N4BP2: variants seen among roughly 807,000 people sequenced by gnomAD.
N4BP2 encodes the protein NEDD4-binding protein 2.
N4BP2 carries 91 observed loss-of-function variants against 152.8 expected under a neutral mutation model. The ratio of observed to expected loss-of-function variants is 0.60; its 90% confidence interval spans 0.50 to 0.71. The LOEUF is 0.71. N4BP2 is among the 30% of genes least tolerant of loss of function. The probability of loss-of-function intolerance (pLI) is 0.00; values close to 1 mark genes in which losing one functional copy is unlikely to be tolerated. For missense variants in N4BP2, 1,923 were observed against 2,059.1 expected (o/e 0.93, Z 1.28); for synonymous variants, 646 against 705.3 (o/e 0.92, Z 1.33).
chr4:40,151,661 G>A (rs976342556), intron 16 of N4BP2, among the ~76,000 whole-genome samples: 6 of 152,240 alleles, frequency 3.9e-5, no homozygotes, highest in East Asian at 1.9e-4. Context: ...TAAAAAGTTC[G>A]TAAAAAGGTT....
chr4:40,184,419 A>G, the N4BP2 span, among the ~76,000 whole-genome samples: 3 of 152,226 alleles, frequency 2.0e-5, no homozygotes, highest in African/African-American at 7.2e-5. Flanking sequence ...AACCAAATAC[A>G]TTAGAGAATC....
Position 40,097,220 on chromosome 4 carries a change from A to G in N4BP2, c.-114-7A>G. ...GTCTGAGTGTTTTTAATTGCTTTCT[A>G]TTTTAGGTCTTTTTACTGCTGGATT... On this transcript the variant is annotated splice_region_variant and splice_polypyrimidine_tract_variant and intron_variant, in intron 2 of 17. Transcript: ENST00000261435. 2 of 743,628 alleles carry G rather than the reference A, an allele frequency of 2.7e-6. No homozygotes were observed. The highest frequency in any genetic ancestry group is 4.5e-6 in the Non-Finnish European group (2 of 440,688). 46.1% of individuals were successfully genotyped at this position (743,628 alleles called of 1,614,324 possible). A position where few individuals can be genotyped will look rare whatever the true frequency, so the allele number is the denominator to read the frequency against.
At chr4:40,175,872 C>T in the N4BP2 span, among the ~76,000 whole-genome samples, 3 of 149,234 alleles carry the variant, frequency 2.0e-5, no homozygotes, top group East Asian at 2.0e-4. Flanking sequence ...GGGTGGATCA[C>T]GAGGTCAGGA....
chr4:40,078,250 G>A (rs570604611), intron 2 of N4BP2, among the ~76,000 whole-genome samples: 1 of 151,870 alleles, frequency 6.6e-6, no homozygotes, highest in African/African-American at 2.4e-5. Flanking sequence ...AGATTCTCAT[G>A]CTTCAGTGTC....
At chr4:40,151,915 A>G (rs1205102025) in intron 16 of N4BP2, among the ~76,000 whole-genome samples, 1 of 152,162 alleles carries the variant, frequency 6.6e-6, no homozygotes, top group Non-Finnish European at 1.5e-5. Flanking sequence ...GGACAATTTA[A>G]TAAGCAGACC....
In N4BP2 at chr4:40,121,542, C is replaced by T. The variant is rs113582483; in HGVS notation, c.3431C>T (p.Ser1144Leu). The T allele has an allele frequency of 5.6e-5, 91 of 1,613,904 alleles. No individual in the cohort carries two copies. In the East Asian group the frequency reaches 5.8e-4, roughly 10 times the overall value. The stretch of plus-strand genomic sequence containing the variant: ...ACAGAGTTTGAGAATTTCCAAAAAT[C>T]GTGTGATGGATCACAAATTGGGCCT... The part of the protein sequence containing the change: ...EDTEFENFQK[S>L]CDGSQIGPFS... Residue 1144 changes from serine (S) to leucine (L), a missense_variant, in exon 9 of 18, where the codon TCG becomes TTG. Ser to Leu is a moderately radical substitution (Grantham distance 145). Transcript: ENST00000261435.
intron 14 of N4BP2, among the ~76,000 whole-genome samples, chr4:40,141,707 T>C (rs1371334562): frequency 6.6e-6 from 1 of 152,166 alleles, no homozygotes; most frequent in Non-Finnish European, 1.5e-5. Flanking sequence ...GAGGCTGCAA[T>C]CTCCGGCACT....
intron 1 of N4BP2, among the ~76,000 whole-genome samples, chr4:40,063,940 G>A (rs918235018): frequency 2.0e-5 from 3 of 151,572 alleles, no homozygotes. Context: ...CCACCGTGCT[G>A]GCCAATTTTA....
At chr4:40,083,093 T>G (rs1490555775) in intron 2 of N4BP2, 1 of 177,568 alleles carries the variant, frequency 5.6e-6, no homozygotes, top group Non-Finnish European at 1.2e-5. Context: ...TTCTGTATTA[T>G]GAAGCGGGGT....
At chr4:40,123,314 T>C in intron 10 of N4BP2, 102 bp downstream of exon 10, 2 of 769,104 alleles carry the variant, frequency 2.6e-6, no homozygotes, top group Non-Finnish European at 4.2e-6. Flanking sequence ...CTATTGAATT[T>C]TGGCTTTGAG....
chr4:40,142,532 A>C (rs1362030771), intron 14 of N4BP2, 141 bp from the exon 15 acceptor site: 1 of 612,392 alleles, frequency 1.6e-6, no homozygotes, highest in African/African-American at 1.8e-5. Flanking sequence ...TACAAGGTAG[A>C]CGCTGGGGAG....
In N4BP2 at chr4:40,097,332, G is replaced by T; in HGVS notation, c.-9G>T. 6.2e-7 allele frequency: 1 copy of T among 1,608,236 alleles called. No homozygotes were observed. The highest frequency in any genetic ancestry group is 8.5e-7 in the Non-Finnish European group (1 of 1,175,396). Reference sequence around the variant, plus strand: ...AGAAAAGGGAAACATTTTAGTTTTGGAAGTCAGAATGCCAAGGAGAAGGAA... The same window carrying T: ...AGAAAAGGGAAACATTTTAGTTTTGTAAGTCAGAATGCCAAGGAGAAGGAA... On this transcript the variant is annotated 5_prime_UTR_variant, in exon 3 of 18. Coordinates refer to ENST00000261435, the MANE Select transcript of N4BP2 (RefSeq NM_018177.6).
chr4:40,152,671 C>A, intron 16 of N4BP2, 109 bp from the exon 17 acceptor site: 1 of 1,277,720 alleles, frequency 7.8e-7, no homozygotes, highest in Non-Finnish European at 1.1e-6. Context: ...TGGCAAACCC[C>A]AAAATCCTCA....
chr4:40,154,004 A>G (rs1721392056), intron 17 of N4BP2, among the ~76,000 whole-genome samples, 188 bp from the exon 18 acceptor site: 1 of 152,176 alleles, frequency 6.6e-6, no homozygotes, highest in Non-Finnish European at 1.5e-5. Flanking sequence ...TTAAGATTGT[A>G]TTTGTTTTGA....
chr4:40,061,553 T>C (rs1193028646), intron 1 of N4BP2, among the ~76,000 whole-genome samples: 1 of 151,438 alleles, frequency 6.6e-6, no homozygotes, highest in Admixed American at 6.6e-5. Flanking sequence ...TTAGTAGAGA[T>C]GGGGTCTCAC....
intron 7 of N4BP2, among the ~76,000 whole-genome samples, chr4:40,114,385 C>G (rs987709612): frequency 6.6e-6 from 1 of 152,184 alleles, no homozygotes; most frequent in Non-Finnish European, 1.5e-5. Flanking sequence ...AGCAGTTACT[C>G]TAGTTCCCCC....
chr4:40,137,846 G>A (rs1719544470), intron 14 of N4BP2, among the ~76,000 whole-genome samples: 1 of 152,172 alleles, frequency 6.6e-6, no homozygotes, highest in Admixed American at 6.5e-5. Context: ...AGCAGGCTCT[G>A]GGGCATAGGG....
intron 2 of N4BP2, among the ~76,000 whole-genome samples, chr4:40,076,318 G>A (rs1261102295): frequency 6.6e-6 from 1 of 151,882 alleles, no homozygotes; most frequent in Non-Finnish European, 1.5e-5. Flanking sequence ...TCTACTAAAA[G>A]TACAAAAATT....
intron 1 of N4BP2, among the ~76,000 whole-genome samples, chr4:40,071,387 T>A (rs1335054717): frequency 6.6e-6 from 1 of 152,214 alleles, no homozygotes; most frequent in African/African-American, 2.4e-5. Context: ...TAATGCTGTG[T>A]ACTTCCTACT....
Sources: allele counts gnomAD v4.1 joint callset (sites outside exome capture counted in the v4.1 genomes callset), GRCh38; gene constraint gnomAD v4.1.1; transcripts MANE v1.5; gene names NCBI Gene and HGNC (gene_info 2026-07-23, HGNC 2026-07-21).